Variants in SMIM21 observed in about 807,000 individuals in gnomAD.
SMIM21 encodes the protein small integral membrane protein 21.
Under a neutral mutation model 8.6 loss-of-function variants are expected in SMIM21, and 8 were observed. The ratio of observed to expected loss-of-function variants is 0.93; its 90% CI spans 0.55 to 1.68. SMIM21 has a LOEUF of 1.68. Among genes scored for constraint, SMIM21 ranks in the 40% most tolerant of loss-of-function variants. The pLI is 0.00. For synonymous variants in SMIM21, 43 were observed against 41.7 expected, an observed-to-expected ratio of 1.03 and a Z score of -0.12; for missense variants, 132 against 123.0, an observed-to-expected ratio of 1.07 and a Z score of -0.35.
In SMIM21 at chr18:75,415,406, C is replaced by A. The variant is rs150401874; in HGVS notation, c.260+3380G>T. Among the ~76,000 whole-genome samples the A allele has an allele frequency of 1.3e-5, 2 of 152,304 alleles. 1 individual carries two copies. The highest frequency in any genetic ancestry group is 1.3e-4 in the Admixed American group (2 of 15,298). ...CTGCTCCAGCGACTGGCTCCCCAGC[C>A]AGAGGGAGAGGTCTCTGCTGCTGGG... On this transcript the variant is annotated intron_variant, in intron 2 of 2. Transcript: ENST00000579022.
Position 75,427,613 on chromosome 18 carries a change from T to G in SMIM21, c.-50A>C. ...GAGAGGTCTCCTTGATGACAGCGAC[T>G]CTGAGGACACAGAGCTGGTGCTATA... On this transcript the variant is annotated 5_prime_UTR_variant, in exon 1 of 3. Transcript: ENST00000579022. The G allele has an allele frequency of 6.5e-7, 1 of 1,532,442 alleles. No homozygotes were observed. 94.9% of individuals were successfully genotyped at this position (1,532,442 alleles called of 1,614,324 possible).
chr18:75,415,822 C>T lies in SMIM21; in HGVS notation c.260+2964G>A, dbSNP rs1166071200. On this transcript the variant is annotated intron_variant, in intron 2 of 2. Transcript: ENST00000579022. ...TTCACTTTAGTAGCTACATAATATT[C>T]AGCTTAATGGTGGCATTACAATTTA... Among the ~76,000 whole-genome samples, 5 of 152,182 alleles carry T rather than the reference C, an allele frequency of 3.3e-5. No individual in the cohort carries two copies. The East Asian group carries it at 7.7e-4, about 23-fold the overall frequency.
At chr18:75,412,399 G>C (rs2024594086) in intron 2 of SMIM21, 1 of 152,230 alleles carries the variant, frequency 6.6e-6, no homozygotes, top group Non-Finnish European at 1.5e-5. Context: ...CTATTTGCCA[G>C]TCCTTAATTA....
intron 1 of SMIM21, among the ~76,000 whole-genome samples, chr18:75,425,597 A>G (rs2024753221): frequency 6.6e-6 from 1 of 152,212 alleles, no homozygotes; most frequent in Non-Finnish European, 1.5e-5. Flanking sequence ...CCTTGTCAAC[A>G]TTTTGTGGTT....
intron 1 of SMIM21, 196 bp from the exon 2 acceptor site, chr18:75,419,112 T>C (rs2024682822): frequency 2.3e-6 from 1 of 426,128 alleles, no homozygotes. Context: ...GAAAAGATAA[T>C]GCATGTAAAA....
chr18:75,422,070 G>C (rs1196701033), intron 1 of SMIM21, among the ~76,000 whole-genome samples: 1 of 152,126 alleles, frequency 6.6e-6, no homozygotes, highest in African/African-American at 2.4e-5. Flanking sequence ...ACTCCTTGGG[G>C]AACCGGCTTG....
chr18:75,426,004 C>T (rs1183009989), intron 1 of SMIM21, among the ~76,000 whole-genome samples: 1 of 152,018 alleles, frequency 6.6e-6, no homozygotes, highest in Non-Finnish European at 1.5e-5. Context: ...ACCATTGCCT[C>T]TTTTGATTGC....
At chr18:75,423,091 A>T (rs577161377) in intron 1 of SMIM21, among the ~76,000 whole-genome samples, 1 of 152,234 alleles carries the variant, frequency 6.6e-6, no homozygotes, top group African/African-American at 2.4e-5. Context: ...AGTTATGAAA[A>T]TTAAAATTCT....
intron 1 of SMIM21, among the ~76,000 whole-genome samples, chr18:75,422,776 G>A (rs1337299597): frequency 6.6e-6 from 1 of 152,220 alleles, no homozygotes; most frequent in Non-Finnish European, 1.5e-5. Flanking sequence ...ATAGAAACAG[G>A]ATGTGGTTGT....
rs2024561318 is a variant in SMIM21, at chr18:75,409,659, C to CTT, written c.*1204_*1205insAA. 6.7e-6 allele frequency: 1 copy of CTT among 149,712 alleles called. No individual in the cohort carries two copies. The allele number at this position is 149,712 out of a possible 1,614,324, so 9.3% of individuals were successfully genotyped here. A position where few individuals can be genotyped will look rare whatever the true frequency, so the allele number is the denominator to read the frequency against. On this transcript the variant is annotated 3_prime_UTR_variant, in exon 3 of 3. Transcript: ENST00000579022. The stretch of plus-strand genomic sequence containing the variant: ...GACTGTTCCATCGGTGACAAGAACT[C>CTT]TGTGTGTGTGTGTGTGTGTGTATGT...
rs778312457 is a variant in SMIM21, at chr18:75,410,792, T to A, written c.*72A>T. 32 of 1,601,674 alleles carry A rather than the reference T, an allele frequency of 2.0e-5. No individual in the cohort carries two copies. The African/African-American group carries it at 4.0e-4, about 20-fold the overall frequency. On this transcript the variant is annotated 3_prime_UTR_variant, in exon 3 of 3. Transcript: ENST00000579022. ...GCTATCTCTAAGCAATCTGATTTCC[T>A]CTTAATTTCTTTTCATCTTGAGCAG...
At chr18:75,418,012 A>T (rs1055855484) in intron 2 of SMIM21, 32 of 391,176 alleles carry the variant, frequency 8.2e-5, no homozygotes, top group Non-Finnish European at 1.4e-4. Flanking sequence ...TTCAGTTTTG[A>T]TGTGAGGACT....
At chr18:75,418,482 C>T (rs949708169) in intron 2 of SMIM21, among the ~76,000 whole-genome samples, 5 of 152,296 alleles carry the variant, frequency 3.3e-5, no homozygotes, top group South Asian at 2.1e-4. Flanking sequence ...CTCTCACTGA[C>T]GAAATGCTCA....
intron 1 of SMIM21, among the ~76,000 whole-genome samples, chr18:75,422,088 G>A (rs1415443059): frequency 6.6e-6 from 1 of 152,116 alleles, no homozygotes; most frequent in Admixed American, 6.5e-5. Context: ...TTGACCCCCA[G>A]TAGTCCAGCC....
chr18:75,413,089 G>A (rs987747251), intron 2 of SMIM21, among the ~76,000 whole-genome samples: 1 of 152,030 alleles, frequency 6.6e-6, no homozygotes, highest in Non-Finnish European at 1.5e-5. Context: ...TGAGGTCCAG[G>A]CTCCAGGCCT....
intron 2 of SMIM21, among the ~76,000 whole-genome samples, chr18:75,414,105 A>ACG (rs1260623348): frequency 6.0e-5 from 8 of 133,638 alleles, no homozygotes; most frequent in Admixed American, 1.5e-4. Context: ...ACATACACAC[A>ACG]CACACACACA....
intron 2 of SMIM21, chr18:75,416,463 C>A (rs554809659): frequency 6.6e-6 from 1 of 152,080 alleles, no homozygotes; most frequent in African/African-American, 2.4e-5. Context: ...TTGTCACTTA[C>A]GTTTTAATTT....
chr18:75,418,580 TC>T (rs1364709396), intron 2 of SMIM21, among the ~76,000 whole-genome samples: 1 of 152,226 alleles, frequency 6.6e-6, no homozygotes, highest in Non-Finnish European at 1.5e-5. Flanking sequence ...CCGTGCTCTA[TC>T]ACGGATGGAT....
At chr18:75,418,283 T>A (rs1370514167) in intron 2 of SMIM21, 1 of 397,044 alleles carries the variant, frequency 2.5e-6, no homozygotes, top group African/African-American at 2.1e-5. Context: ...TATCTGTTGG[T>A]ACACAGAGAC....
Sources: gnomAD v4.1 joint callset for allele counts (sites outside exome capture counted in the v4.1 genomes callset) on GRCh38, gnomAD v4.1.1 for gene constraint, MANE v1.5 for transcripts, NCBI Gene and HGNC (gene_info 2026-07-23, HGNC 2026-07-21) for gene names.